TRAF3: variants seen among roughly 807,000 people sequenced by gnomAD.
The protein encoded by TRAF3 is TNF receptor-associated factor 3.
A neutral mutation model predicts 62.3 loss-of-function variants in TRAF3; 13 were observed. The observed-to-expected ratio is 0.21, with a 90% CI of 0.14 to 0.33. The LOEUF is 0.33. Ranked by LOEUF, TRAF3 falls within the 10% of genes least tolerant of loss-of-function variation. The probability of loss-of-function intolerance (pLI) is 1.00; values close to 1 mark genes in which losing one functional copy is unlikely to be tolerated. For synonymous variants in TRAF3, 269 were observed against 283.4 expected (o/e 0.95, Z 0.51); for missense variants, 440 against 741.8 (o/e 0.59, Z 4.73).
At chr14:102,887,927 G>A (rs541468099) in intron 7 of TRAF3, among the ~76,000 whole-genome samples, 33 of 152,194 alleles carry the variant, frequency 2.2e-4, no homozygotes, top group Admixed American at 1.3e-3. Context: ...TGTTAAACCT[G>A]CATTTCTGTT....
intron 2 of TRAF3, among the ~76,000 whole-genome samples, chr14:102,852,250 C>T (rs965882147): frequency 1.3e-5 from 2 of 152,048 alleles, no homozygotes; most frequent in Non-Finnish European, 2.9e-5. Flanking sequence ...CAGGCACACG[C>T]TGCCATGCCC....
intron 1 of TRAF3, among the ~76,000 whole-genome samples, chr14:102,801,853 A>G (rs972447524): frequency 6.6e-5 from 10 of 151,464 alleles, no homozygotes; most frequent in African/African-American, 2.4e-4. Context: ...CCCGTCTACT[A>G]AAAATACAAA....
At chr14:102,785,353 C>G (rs72702779) in intron 1 of TRAF3, among the ~76,000 whole-genome samples, 1 of 152,324 alleles carries the variant, frequency 6.6e-6, no homozygotes, top group Admixed American at 6.5e-5. Context: ...TACGCAGTGG[C>G]TCAGATGCTT....
At position 102,903,458 on chromosome 14, in the gene TRAF3, A is replaced by G. The variant is rs1382070739; in HGVS notation, c.1135+29A>G. 1 of 1,612,698 alleles carries G rather than the reference A, an allele frequency of 6.2e-7. No homozygotes were observed. The highest frequency in any genetic ancestry group is 1.1e-5 in the South Asian group (1 of 91,050). On this transcript the variant is annotated intron_variant, in intron 11 of 11. Transcript: ENST00000392745. This position sits in a 1 kb window ranked among gnomAD's most constrained non-coding sequence, Gnocchi z 6.4. Reference sequence around the variant, plus strand: ...AGGCAGGGGCCGGGGCCGGGCCAGCAGTGTGCATCTGGGCCCCGGGCGAGT... The same window carrying G: ...AGGCAGGGGCCGGGGCCGGGCCAGCGGTGTGCATCTGGGCCCCGGGCGAGT...
At chr14:102,782,255 A>G (rs1897302452) in intron 1 of TRAF3, among the ~76,000 whole-genome samples, 2 of 151,464 alleles carry the variant, frequency 1.3e-5, no homozygotes, top group Admixed American at 6.6e-5. Flanking sequence ...TTTTTTTGAG[A>G]TGGAGTCTTG....
chr14:102,891,405 G>A lies in TRAF3; in HGVS notation c.807G>A (p.Ser269=), dbSNP rs201211273. The A allele has an allele frequency of 6.2e-7, 1 of 1,612,036 alleles. No homozygotes were observed. The part of the protein sequence containing the change: ...HVNLLKEWSN[S]LEKKVSLLQN... ...ACCTGCTGAAGGAGTGGAGCAACTC[G>A]CTCGAAAAGAAGGTGGGCTGCACAC... Residue 269 remains serine (S), a synonymous_variant, in exon 9 of 12, where the codon TCG becomes TCA. Transcript: ENST00000392745.
At chr14:102,889,359 G>A (rs1482324964) in intron 7 of TRAF3, among the ~76,000 whole-genome samples, 1 of 152,208 alleles carries the variant, frequency 6.6e-6, no homozygotes, top group Non-Finnish European at 1.5e-5. Flanking sequence ...ATGTATTCTT[G>A]TATATTGGCG....
chr14:102,781,565 T>C (rs575545173), intron 1 of TRAF3, among the ~76,000 whole-genome samples: 54 of 152,254 alleles, frequency 3.5e-4, no homozygotes, highest in African/African-American at 1.3e-3. Flanking sequence ...GAGGATGAAG[T>C]GGGAGGATCA....
intron 3 of TRAF3, 98 bp from the exon 4 acceptor site, chr14:102,871,819 G>T: frequency 1.8e-6 from 2 of 1,123,920 alleles, no homozygotes; most frequent in Non-Finnish European, 2.7e-6. Flanking sequence ...GTGAGCCACT[G>T]TGCAGACCTG....
chr14:102,855,458 G>A (rs1030310710), intron 2 of TRAF3, among the ~76,000 whole-genome samples: 2 of 152,006 alleles, frequency 1.3e-5, no homozygotes, highest in Non-Finnish European at 2.9e-5. Flanking sequence ...GTATATGAGG[G>A]TTTCAGTTTT....
chr14:102,873,312 C>T (rs1888450169), intron 4 of TRAF3, among the ~76,000 whole-genome samples: 1 of 152,214 alleles, frequency 6.6e-6, no homozygotes, highest in African/African-American at 2.4e-5. Flanking sequence ...TTACCTGCTG[C>T]TGCTGCAGGC....
rs576780021 is a variant in TRAF3, at chr14:102,880,654, C to G, written c.570+4129C>G. On this transcript the variant is annotated intron_variant, in intron 6 of 11. Transcript: ENST00000392745. ...AATCATTCTATTATAAGGATACATGCACATGTATGTTCATTGAAGCAGTAT... is the reference window on the plus strand; with the variant it reads ...AATCATTCTATTATAAGGATACATGGACATGTATGTTCATTGAAGCAGTAT... Among the ~76,000 whole-genome samples, 4 of 152,282 alleles carry G rather than the reference C, an allele frequency of 2.6e-5. No homozygotes were observed. The South Asian group carries it at 8.3e-4, about 32-fold the overall frequency.
chr14:102,835,775 G>C (rs762757705), intron 2 of TRAF3, among the ~76,000 whole-genome samples: 3 of 152,168 alleles, frequency 2.0e-5, no homozygotes, highest in Admixed American at 6.5e-5. Flanking sequence ...TGGGAAGAGG[G>C]AGAGGATCAG....
At chr14:102,780,519 C>CTTT in intron 1 of TRAF3, among the ~76,000 whole-genome samples, 1 of 146,606 alleles carries the variant, frequency 6.8e-6, no homozygotes, top group Non-Finnish European at 1.5e-5. Context: ...AGCATAATAC[C>CTTT]TTTTTTTTTT....
At chr14:102,827,244 G>A (rs1179559729) in intron 1 of TRAF3, among the ~76,000 whole-genome samples, 2 of 152,178 alleles carry the variant, frequency 1.3e-5, no homozygotes, top group East Asian at 1.9e-4. Flanking sequence ...CCTCCACCAC[G>A]CATGATGGTG....
chr14:102,813,958 T>A (rs1899358301), intron 1 of TRAF3, among the ~76,000 whole-genome samples: 1 of 152,226 alleles, frequency 6.6e-6, no homozygotes, highest in South Asian at 2.1e-4. Context: ...TTGTCCGTGC[T>A]TTTCAGTTAC....
chr14:102,892,217 C>A (rs1889762597), intron 9 of TRAF3, among the ~76,000 whole-genome samples: 1 of 152,110 alleles, frequency 6.6e-6, no homozygotes, highest in Non-Finnish European at 1.5e-5. Context: ...ACCACCACAC[C>A]CAGCTAATTT....
chr14:102,839,655 A>G (rs1886258167), intron 2 of TRAF3, among the ~76,000 whole-genome samples: 1 of 152,198 alleles, frequency 6.6e-6, no homozygotes, highest in Non-Finnish European at 1.5e-5. Flanking sequence ...TCGCCCAGAT[A>G]CTATATAATT....
intron 1 of TRAF3, among the ~76,000 whole-genome samples, chr14:102,789,249 ATCTG>A (rs1224089478): frequency 6.6e-6 from 1 of 152,130 alleles, no homozygotes; most frequent in Non-Finnish European, 1.5e-5. Flanking sequence ...ACATGCCACA[ATCTG>A]TCTATTCATT....
Sources: gnomAD v4.1 joint callset for allele counts (sites outside exome capture counted in the v4.1 genomes callset) on GRCh38, gnomAD v4.1.1 for gene constraint, Gnocchi (gnomAD v3.1) non-coding constraint, MANE v1.5 for transcripts, NCBI Gene and HGNC (gene_info 2026-07-23, HGNC 2026-07-21) for gene names.